The following UGGT2 variants were observed in gnomAD, a reference collection of about 807,000 sequenced individuals.
UGGT2 encodes UDP-glucose:glycoprotein glucosyltransferase 2.
In UGGT2, 180 loss-of-function variants were observed where a neutral mutation model predicts 192.1. That is an observed-to-expected ratio of 0.94 (90% CI 0.83 to 1.06). UGGT2 has a LOEUF of 1.06. UGGT2 is among the 50% of genes least tolerant of loss of function. The pLI, the probability that UGGT2 is intolerant of heterozygous loss-of-function variation, is 0.00. For synonymous variants in UGGT2, 580 were observed against 591.0 expected (o/e 0.98, Z 0.27); for missense variants, 1,849 against 1,795.7 (o/e 1.03, Z -0.54).
chr13:95,825,316 G>A (rs1371134878), intron 38 of UGGT2, among the ~76,000 whole-genome samples: 2 of 152,104 alleles, frequency 1.3e-5, no homozygotes, highest in Admixed American at 6.6e-5. Flanking sequence ...ATCCAATGGT[G>A]GACAGAGGTA....
chr13:95,900,677 TG>T, intron 22 of UGGT2, 129 bp downstream of exon 22: 1 of 910,248 alleles, frequency 1.1e-6, no homozygotes, highest in Non-Finnish European at 1.6e-6. Flanking sequence ...GAGTTGTGTC[TG>T]GTGTCTTCAG....
At chr13:95,949,897 C>A (rs1174018759) in intron 12 of UGGT2, among the ~76,000 whole-genome samples, 1 of 152,096 alleles carries the variant, frequency 6.6e-6, no homozygotes, top group African/African-American at 2.4e-5. Flanking sequence ...AAGTTCTAAT[C>A]CACTATACAA....
chr13:95,925,816 A>T (rs566958839), intron 19 of UGGT2, 42 bp from the exon 20 acceptor site: 346 of 1,387,666 alleles, frequency 2.5e-4, no homozygotes, highest in African/African-American at 2.5e-3. Context: ...CTTTTTTTTT[A>T]AAAAATAAAA....
In UGGT2 at chr13:95,833,049, T is replaced by A; in HGVS notation, c.4406A>T (p.Asn1469Ile). 6.2e-7 allele frequency: 1 copy of A among 1,611,654 alleles called. No homozygotes were observed. Among genetic ancestry groups the A allele is most frequent in the Non-Finnish European group, 8.5e-7 (1 of 1,178,514 alleles). ...KQRAKTIDLC[N>I]NPKTKESKLK... ...TTTGGATTCTTTTGTTTTGGGATTA[T>A]TGCACTAAAAGTTTAAGTAAATTTT... The change falls in exon 38 of 39, where the codon AAT becomes ATT. Residue 1469 changes from asparagine to isoleucine, a missense_variant. Physicochemically the swap from Asn to Ile is moderately radical, Grantham distance 149 (BLOSUM62 -3). Transcript: ENST00000376747.
intron 5 of UGGT2, among the ~76,000 whole-genome samples, chr13:96,003,885 T>C (rs932943134): frequency 6.6e-6 from 1 of 152,154 alleles, no homozygotes; most frequent in African/African-American, 2.4e-5. Context: ...GAAGATTTGT[T>C]ACAAAGCAAT....
intron 17 of UGGT2, among the ~76,000 whole-genome samples, chr13:95,933,374 G>A (rs901364418): frequency 2.0e-5 from 3 of 152,144 alleles, no homozygotes; most frequent in Non-Finnish European, 4.4e-5. Flanking sequence ...GTCTTCTGAG[G>A]ATCTTCTGTA....
intron 35 of UGGT2, 60 bp downstream of exon 35, chr13:95,854,253 CTG>C: frequency 6.6e-7 from 1 of 1,508,314 alleles, no homozygotes; most frequent in Non-Finnish European, 8.9e-7. Flanking sequence ...TTTAAGAAAA[CTG>C]AAAGTTGCAA....
intron 12 of UGGT2, among the ~76,000 whole-genome samples, chr13:95,956,555 A>G (rs1159905406): frequency 3.9e-5 from 6 of 152,232 alleles, no homozygotes; most frequent in Admixed American, 3.9e-4. Context: ...AGGTATTATG[A>G]ATCAATGCTC....
intron 12 of UGGT2, among the ~76,000 whole-genome samples, chr13:95,958,039 C>G (rs914835024): frequency 3.3e-5 from 5 of 152,128 alleles, no homozygotes; most frequent in African/African-American, 1.2e-4. Context: ...TTCTAGAAAA[C>G]ACAAATGATA....
At position 95,949,359 on chromosome 13, in the gene UGGT2, G is replaced by A. The variant is rs2049985122; in HGVS notation, c.1431C>T (p.Ser477=). The stretch of plus-strand genomic sequence containing the variant: ...CCAAATTATGAAAATTGCGCCTTAT[G>A]GAAGGTACACTTCCAGGAAATACTG... ...LKPVFPGSVP[S]IRRNFHNLVL... The change falls in exon 13 of 39, where the codon TCC becomes TCT. Residue 477 remains serine, a synonymous_variant. Coordinates refer to ENST00000376747, the MANE Select transcript of UGGT2 (RefSeq NM_020121.4). 6.4e-7 allele frequency: 1 copy of A among 1,568,158 alleles called. No homozygotes were observed. Among genetic ancestry groups the A allele is most frequent in the Non-Finnish European group, 8.6e-7 (1 of 1,156,150 alleles).
intron 16 of UGGT2, 146 bp from the exon 17 acceptor site, chr13:95,937,234 C>A: frequency 4.2e-6 from 4 of 957,562 alleles, no homozygotes; most frequent in Non-Finnish European, 6.0e-6. Context: ...CCAAACATTG[C>A]CTAAAGGAAA....
At chr13:95,995,308 T>C (rs952840606) in intron 7 of UGGT2, 1 of 152,106 alleles carries the variant, frequency 6.6e-6, no homozygotes, top group Non-Finnish European at 1.5e-5. Context: ...AATAGTTGAC[T>C]TTCTTGGAGA....
intron 17 of UGGT2, among the ~76,000 whole-genome samples, chr13:95,932,723 G>T (rs1438315550): frequency 1.3e-5 from 2 of 152,042 alleles, no homozygotes; most frequent in Non-Finnish European, 2.9e-5. Flanking sequence ...GTTGGTTGTG[G>T]GTTTGTCATA....
intron 36 of UGGT2, among the ~76,000 whole-genome samples, chr13:95,839,547 G>A (rs1412978855): frequency 1.3e-5 from 2 of 152,076 alleles, no homozygotes; most frequent in Admixed American, 1.3e-4. Context: ...CAACTGATGG[G>A]CATTTGGGTT....
chr13:96,040,775 G>A (rs933572339), intron 1 of UGGT2, among the ~76,000 whole-genome samples: 13 of 152,124 alleles, frequency 8.5e-5, no homozygotes, highest in African/African-American at 1.2e-4. Context: ...ATCAGACTGC[G>A]GCTAGACTGT....
chr13:95,905,036 C>T (rs1008437002), intron 20 of UGGT2, among the ~76,000 whole-genome samples: 3 of 151,998 alleles, frequency 2.0e-5, no homozygotes, highest in African/African-American at 7.2e-5. Context: ...TTGCATTTCT[C>T]TGATGGCCAG....
intron 17 of UGGT2, among the ~76,000 whole-genome samples, chr13:95,934,962 T>G (rs1020458245): frequency 6.6e-6 from 1 of 152,216 alleles, no homozygotes; most frequent in Non-Finnish European, 1.5e-5. Flanking sequence ...GGTGCATATA[T>G]ATTTGGGACA....
chr13:96,006,555 C>T (rs1414606708), intron 5 of UGGT2, among the ~76,000 whole-genome samples: 2 of 133,686 alleles, frequency 1.5e-5, no homozygotes, highest in Non-Finnish European at 3.1e-5. Flanking sequence ...ACCCAGGAGG[C>T]GGAGGCTGCA....
chr13:95,837,457 T>C (rs1887421304), intron 36 of UGGT2, among the ~76,000 whole-genome samples: 1 of 152,152 alleles, frequency 6.6e-6, no homozygotes, highest in Non-Finnish European at 1.5e-5. Flanking sequence ...GAAGGAGGCA[T>C]AGAAACCTAC....
Sources: gnomAD v4.1 joint callset for allele counts (sites outside exome capture counted in the v4.1 genomes callset) on GRCh38, gnomAD v4.1.1 for gene constraint, MANE v1.5 for transcripts, NCBI Gene and HGNC (gene_info 2026-07-23, HGNC 2026-07-21) for gene names.